ZNF521: variants seen among roughly 807,000 people sequenced by gnomAD.
ZNF521 encodes the protein zinc finger protein 521.
Under a neutral mutation model 105.5 loss-of-function variants are expected in ZNF521, and 14 were observed. The ratio of observed to expected loss-of-function variants is 0.13; its 90% CI spans 0.09 to 0.21. The LOEUF (loss-of-function observed/expected upper bound fraction) is 0.21, where lower values mean the gene tolerates loss of function less well. Ranked by LOEUF, ZNF521 falls within the 10% of genes least tolerant of loss-of-function variation. The pLI is 1.00. For synonymous variants in ZNF521, 635 were observed against 606.0 expected (o/e 1.05, Z -0.70); for missense variants, 1,233 against 1,629.7 (o/e 0.76, Z 4.19).
intron 5 of ZNF521, among the ~76,000 whole-genome samples, chr18:25,186,667 A>G (rs2035727334): frequency 6.6e-6 from 1 of 152,170 alleles, no homozygotes; most frequent in African/African-American, 2.4e-5. Context: ...ATAGCTAAAT[A>G]TTTCATCAGA....
chr18:25,083,501 C>T (rs1459666516), intron 7 of ZNF521, among the ~76,000 whole-genome samples: 2 of 152,104 alleles, frequency 1.3e-5, no homozygotes, highest in East Asian at 3.9e-4. Flanking sequence ...TTATGTTCTC[C>T]GAATTCCATA....
In ZNF521 at chr18:25,227,208, A is replaced by G. The variant is rs1484939452; in HGVS notation, c.710T>C (p.Met237Thr). The G allele has an allele frequency of 1.2e-6, 2 of 1,614,092 alleles. No homozygotes were observed. Among genetic ancestry groups the G allele is most frequent in the Non-Finnish European group, 1.7e-6 (2 of 1,180,010 alleles). The part of the protein sequence containing the change: ...NKDGSQSGSR[M>T]EDWKMKDTQK... ...AGTGTCCTTCATCTTCCAGTCCTCC[A>G]TCCTGGAACCGGACTGAGAGCCGTC... Residue 237 changes from methionine (M) to threonine (T), a missense_variant, in exon 4 of 8, where the codon ATG becomes ACG. Met to Thr is a moderately conservative substitution (Grantham distance 81). Coordinates refer to ENST00000361524, the MANE Select transcript of ZNF521 (RefSeq NM_015461.3). This position sits in a 1 kb window ranked among gnomAD's most constrained non-coding sequence, Gnocchi z 5.7.
intron 3 of ZNF521, among the ~76,000 whole-genome samples, chr18:25,284,453 C>T (rs1051097258): frequency 6.6e-5 from 10 of 152,116 alleles, no homozygotes; most frequent in African/African-American, 2.4e-4. Flanking sequence ...AGCAAAATAA[C>T]AATACGTCAC....
intron 3 of ZNF521, among the ~76,000 whole-genome samples, chr18:25,306,167 A>C (rs897727036): frequency 9.8e-5 from 15 of 152,342 alleles, no homozygotes; most frequent in African/African-American, 3.6e-4. Context: ...AAGTTTTGTT[A>C]ATTCATTTCT....
chr18:25,292,455 G>T (rs929061417), intron 3 of ZNF521, among the ~76,000 whole-genome samples: 1 of 152,052 alleles, frequency 6.6e-6, no homozygotes, highest in African/African-American at 2.4e-5. Context: ...TCTCAACACT[G>T]GTATTTTTAA....
chr18:25,102,128 G>T (rs1473897508), intron 5 of ZNF521, among the ~76,000 whole-genome samples: 1 of 152,034 alleles, frequency 6.6e-6, no homozygotes, highest in Non-Finnish European at 1.5e-5. Context: ...CTACTATAAA[G>T]CAATTAATAT....
At position 25,314,675 on chromosome 18, in the gene ZNF521, A is replaced by G. The variant is rs948447271; in HGVS notation, c.220+7333T>C. Among the ~76,000 whole-genome samples the G allele has an allele frequency of 2.0e-5, 3 of 152,220 alleles. No individual in the cohort carries two copies. The East Asian group carries it at 5.8e-4, about 29-fold the overall frequency. ...GAATTACTACCACACATATTTCTAC[A>G]CACTCATCTACCAATAGTATGGTAG... On this transcript the variant is annotated intron_variant, in intron 3 of 7. Coordinates refer to ENST00000361524, the MANE Select transcript of ZNF521 (RefSeq NM_015461.3).
At chr18:25,308,075 G>A (rs181120989) in intron 3 of ZNF521, among the ~76,000 whole-genome samples, 1 of 151,550 alleles carries the variant, frequency 6.6e-6, no homozygotes, top group African/African-American at 2.4e-5. Flanking sequence ...GATGGTGCAT[G>A]CCTATAATCC....
intron 3 of ZNF521, among the ~76,000 whole-genome samples, chr18:25,321,431 C>A (rs1319290006): frequency 6.6e-6 from 1 of 152,124 alleles, no homozygotes; most frequent in East Asian, 1.9e-4. Flanking sequence ...TACTATAGGC[C>A]AGGTATTGTG....
chr18:25,283,297 G>A (rs1328299713), intron 3 of ZNF521, among the ~76,000 whole-genome samples: 1 of 152,106 alleles, frequency 6.6e-6, no homozygotes, highest in Non-Finnish European at 1.5e-5. Flanking sequence ...TCCCACTCTT[G>A]CCTCTCCTAC....
chr18:25,322,345 C>T (rs1452808885), intron 2 of ZNF521, 158 bp from the exon 3 acceptor site: 1 of 799,820 alleles, frequency 1.3e-6, no homozygotes, highest in East Asian at 2.4e-5. Flanking sequence ...CAAAAGTGAG[C>T]CTCTCCTAAA....
At position 25,116,725 on chromosome 18, in the gene ZNF521, A is replaced by T. The variant is rs191009734; in HGVS notation, c.3659-24644T>A. On this transcript the variant is annotated intron_variant, in intron 5 of 7. Coordinates refer to ENST00000361524, the MANE Select transcript of ZNF521 (RefSeq NM_015461.3). Reference sequence around the variant, plus strand: ...ACACAAGATGAATTTCCTCCTTTTTAAAAAAAACATATTTTATACGCATGT... The same window carrying T: ...ACACAAGATGAATTTCCTCCTTTTTTAAAAAAACATATTTTATACGCATGT... Among the ~76,000 whole-genome samples the T allele has an allele frequency of 7.9e-4, 119 of 151,580 alleles. 2 individuals carry two copies. The highest frequency in any genetic ancestry group is 1.5e-3 in the Admixed American group (23 of 15,188).
intron 4 of ZNF521, among the ~76,000 whole-genome samples, chr18:25,196,039 C>T (rs570454444): frequency 7.5e-4 from 114 of 151,726 alleles, no homozygotes; most frequent in African/African-American, 2.3e-3. Context: ...CATAAAGCAG[C>T]CATTATAATT....
chr18:25,249,469 C>CT (rs77417621), intron 3 of ZNF521, among the ~76,000 whole-genome samples: 1,738 of 141,598 alleles, frequency 0.012, 48 homozygotes, highest in African/African-American at 0.041. Flanking sequence ...TACTTTCTTT[C>CT]TTTTTTTTTT....
chr18:25,218,345 T>C (rs1905468365), intron 4 of ZNF521, among the ~76,000 whole-genome samples: 1 of 151,638 alleles, frequency 6.6e-6, no homozygotes, highest in Non-Finnish European at 1.5e-5. Context: ...GGTAAGGGGA[T>C]GGTGGGAGGA....
intron 3 of ZNF521, among the ~76,000 whole-genome samples, chr18:25,270,528 T>C (rs1442984684): frequency 6.6e-6 from 1 of 152,070 alleles, no homozygotes; most frequent in Non-Finnish European, 1.5e-5. Context: ...AAATCCTCAA[T>C]AAAATACTGG....
At chr18:25,148,528 T>C (rs965900989) in intron 5 of ZNF521, among the ~76,000 whole-genome samples, 1 of 152,160 alleles carries the variant, frequency 6.6e-6, no homozygotes, top group African/African-American at 2.4e-5. Flanking sequence ...CTTTTAAGTA[T>C]AAATATTCTG....
chr18:25,144,988 G>C (rs1273520041), intron 5 of ZNF521, among the ~76,000 whole-genome samples: 1 of 152,144 alleles, frequency 6.6e-6, no homozygotes, highest in Non-Finnish European at 1.5e-5. Context: ...ACATATGTAA[G>C]TAAGTTCACC....
chr18:25,122,011 A>G (rs1429117368), intron 5 of ZNF521, among the ~76,000 whole-genome samples: 2 of 152,220 alleles, frequency 1.3e-5, no homozygotes, highest in Non-Finnish European at 2.9e-5. Context: ...CACAGAAATG[A>G]CACATGATAA....
Sources: allele counts gnomAD v4.1 joint callset (sites outside exome capture counted in the v4.1 genomes callset), GRCh38; gene constraint gnomAD v4.1.1; non-coding constraint Gnocchi (gnomAD v3.1); transcripts MANE v1.5; gene names NCBI Gene and HGNC (gene_info 2026-07-23, HGNC 2026-07-21).